CELF4: variants seen among roughly 807,000 people sequenced by gnomAD.
CELF4 encodes CUG-BP- and ETR-3-like factor 4.
Under a neutral mutation model 59.9 loss-of-function variants are expected in CELF4, and 18 were observed. The ratio of observed to expected loss-of-function variants is 0.30; its 90% confidence interval spans 0.21 to 0.45. The LOEUF (loss-of-function observed/expected upper bound fraction) is 0.45. Among genes scored for constraint, CELF4 ranks in the 20% least tolerant of loss-of-function variants. The probability of loss-of-function intolerance (pLI) is 1.00; values close to 1 mark genes in which losing one functional copy is unlikely to be tolerated. For missense variants in CELF4, 456 were observed against 689.0 expected (o/e 0.66, Z 3.79); for synonymous variants, 261 against 267.1 (o/e 0.98, Z 0.22).
chr18:37,309,755 T>G (rs1287361315), intron 3 of CELF4, among the ~76,000 whole-genome samples: 1 of 151,550 alleles, frequency 6.6e-6, no homozygotes. Context: ...CAAATCTGGG[T>G]CTTTCTATTC....
intron 2 of CELF4, among the ~76,000 whole-genome samples, chr18:37,445,174 C>T (rs1354012403): frequency 2.0e-5 from 3 of 152,126 alleles, no homozygotes; most frequent in Non-Finnish European, 1.5e-5. Flanking sequence ...GAAAGGCTGG[C>T]GAGAGACTAG....
intron 3 of CELF4, among the ~76,000 whole-genome samples, chr18:37,312,771 G>C (rs1480138340): frequency 1.3e-5 from 2 of 152,200 alleles, no homozygotes; most frequent in Non-Finnish European, 2.9e-5. Flanking sequence ...GGCCTAGGAG[G>C]TGCTGTGTCC....
intron 1 of CELF4, among the ~76,000 whole-genome samples, chr18:37,504,666 C>T (rs1035706745): frequency 1.3e-5 from 2 of 152,044 alleles, no homozygotes; most frequent in African/African-American, 4.8e-5. Flanking sequence ...TCAGAGAGTA[C>T]CAGTCACCAC....
intron 2 of CELF4, among the ~76,000 whole-genome samples, chr18:37,347,012 G>A (rs2098282715): frequency 6.6e-6 from 1 of 152,066 alleles, no homozygotes; most frequent in South Asian, 2.1e-4. Context: ...GGGCTCATAT[G>A]CCAAGGCTGA....
chr18:37,419,704 G>A (rs894262809), intron 2 of CELF4, among the ~76,000 whole-genome samples: 3 of 152,198 alleles, frequency 2.0e-5, no homozygotes, highest in African/African-American at 4.8e-5. Context: ...CCTCAGGGAC[G>A]CCCTCCGGTA....
At chr18:37,281,889 C>T (rs569565245) in intron 3 of CELF4, among the ~76,000 whole-genome samples, 5 of 152,286 alleles carry the variant, frequency 3.3e-5, no homozygotes, top group Non-Finnish European at 7.4e-5. Context: ...GACATGCCCC[C>T]CTCTCTAACT....
At chr18:37,350,572 C>T (rs2098418670) in intron 2 of CELF4, among the ~76,000 whole-genome samples, 2 of 152,180 alleles carry the variant, frequency 1.3e-5, no homozygotes, top group Non-Finnish European at 2.9e-5. Context: ...GACCCCTAAC[C>T]TCCCCTTTCT....
Position 37,253,689 on chromosome 18 carries a change from A to C in CELF4, c.*44+78T>G. On this transcript the variant is annotated intron_variant, in intron 12 of 12. Transcript: ENST00000420428. The surrounding 1 kb of genome is among the most constrained non-coding windows in gnomAD (Gnocchi z 4.5). ...CAAGGCACCAGTGAGGGTCCGGCCC[A>C]CGGAGGCCGGAGGAGGCGGCGGGTC... The C allele has an allele frequency of 8.8e-7, 1 of 1,140,626 alleles. No homozygotes were observed. The allele number at this position is 1,140,626 out of a possible 1,614,324, so 70.7% of individuals were successfully genotyped here. A position where few individuals can be genotyped will look rare whatever the true frequency, so the allele number is the denominator to read the frequency against.
chr18:37,259,036 G>A, intron 11 of CELF4, 145 bp downstream of exon 11: 5 of 1,306,684 alleles, frequency 3.8e-6, no homozygotes, highest in Non-Finnish European at 5.3e-6. Flanking sequence ...TGAAGGAGCA[G>A]GTTAAAAGCA....
chr18:37,441,227 G>C (rs1188919190), intron 2 of CELF4, among the ~76,000 whole-genome samples: 1 of 151,866 alleles, frequency 6.6e-6, no homozygotes, highest in African/African-American at 2.4e-5. Context: ...CTGCTTTCCA[G>C]ATGCCAGGGA....
intron 3 of CELF4, among the ~76,000 whole-genome samples, chr18:37,315,888 A>G (rs890497646): frequency 1.3e-5 from 2 of 152,154 alleles, no homozygotes; most frequent in African/African-American, 4.8e-5. Flanking sequence ...GGAGCTTTCC[A>G]AGCAAGCTGG....
intron 2 of CELF4, among the ~76,000 whole-genome samples, chr18:37,401,653 T>C (rs1539848): frequency 0.38 from 57,187 of 152,072 alleles, 11,838 homozygotes; most frequent in East Asian, 0.65. Context: ...GCTCAGGCAA[T>C]GTTCTACCAC....
intron 1 of CELF4, among the ~76,000 whole-genome samples, chr18:37,548,592 A>G (rs2099982194): frequency 6.6e-6 from 1 of 152,144 alleles, no homozygotes; most frequent in Admixed American, 6.5e-5. Flanking sequence ...CAGAGCTGAT[A>G]GGGGTGCTGA....
chr18:37,443,856 C>A, intron 2 of CELF4, among the ~76,000 whole-genome samples: 1 of 152,264 alleles, frequency 6.6e-6, no homozygotes, highest in South Asian at 2.1e-4. Context: ...CTCTGCCCAG[C>A]GAGATGTCAA....
chr18:37,279,194 G>A (rs2093795606), intron 3 of CELF4, among the ~76,000 whole-genome samples: 1 of 152,164 alleles, frequency 6.6e-6, no homozygotes, highest in Non-Finnish European at 1.5e-5. Context: ...CCATAGTCGG[G>A]GTATTGGGGA....
chr18:37,259,468 G>T (rs1192417984), intron 10 of CELF4, among the ~76,000 whole-genome samples: 1 of 152,214 alleles, frequency 6.6e-6, no homozygotes, highest in Non-Finnish European at 1.5e-5. Context: ...TCTCTGCTCT[G>T]CCCTTGGGCA....
rs34504926 is a variant in CELF4 at position 37,385,354 on chromosome 18, CAAAAAAA to C, written c.370-63480_370-63474del. 2.5e-3 allele frequency among the ~76,000 whole-genome samples: 249 copies of C among 100,482 alleles called. 1 individual carries two copies. Among genetic ancestry groups the C allele is most frequent in the Non-Finnish European group, 4.0e-3 (205 of 50,928 alleles). 65.9% of individuals were successfully genotyped at this position (100,482 alleles called of 152,430 possible). A position where few individuals can be genotyped will look rare whatever the true frequency, so the allele number is the denominator to read the frequency against. On this transcript the variant is annotated intron_variant, in intron 2 of 12. Coordinates refer to ENST00000420428, the MANE Select transcript of CELF4 (RefSeq NM_020180.4). ...TGGGCAACAGTGCAAGACTCCATCTCAAAAAAAAAAAAAAAAAAGAAAGAAAGAAAAG... is the reference window on the plus strand; with the variant it reads ...TGGGCAACAGTGCAAGACTCCATCTCAAAAAAAAAAAGAAAGAAAGAAAAG...
chr18:37,402,611 A>G (rs2099344595), intron 2 of CELF4, among the ~76,000 whole-genome samples: 1 of 152,192 alleles, frequency 6.6e-6, no homozygotes, highest in Non-Finnish European at 1.5e-5. Flanking sequence ...TCCAGCAAAG[A>G]GCCAGAGTCT....
chr18:37,394,450 G>C (rs1188244085), intron 2 of CELF4, among the ~76,000 whole-genome samples: 1 of 152,196 alleles, frequency 6.6e-6, no homozygotes, highest in African/African-American at 2.4e-5. Context: ...TTCTGGCCGC[G>C]CGTGCTTCCT....
Sources: gnomAD v4.1 joint callset for allele counts (sites outside exome capture counted in the v4.1 genomes callset) on GRCh38, gnomAD v4.1.1 for gene constraint, Gnocchi (gnomAD v3.1) non-coding constraint, MANE v1.5 for transcripts, NCBI Gene and HGNC (gene_info 2026-07-23, HGNC 2026-07-21) for gene names.